The following SOX7 variants were observed in gnomAD, a reference collection of about 807,000 sequenced individuals.
SOX7 encodes the protein SRY-box transcription factor 7.
In SOX7, 19 loss-of-function variants were observed where a neutral mutation model predicts 24.9. That is an observed-to-expected ratio of 0.76 (90% CI 0.53 to 1.12). SOX7 has a LOEUF of 1.12. Ranked by LOEUF, SOX7 falls within the 50% of genes most tolerant of loss-of-function variation. SOX7 has a pLI of 0.00. For synonymous variants in SOX7, 327 were observed against 244.5 expected, an observed-to-expected ratio of 1.34 and a Z score of -3.15; for missense variants, 702 against 535.0, an observed-to-expected ratio of 1.31 and a Z score of -3.08.
intron 1 of SOX7, among the ~76,000 whole-genome samples, chr8:10,727,902 C>G (rs1050597102): frequency 9.2e-5 from 14 of 152,246 alleles, no homozygotes; most frequent in Non-Finnish European, 1.6e-4. Flanking sequence ...CAGCAGCCCT[C>G]AGTGCCTCCG....
chr8:10,725,553 G>T lies in SOX7; in HGVS notation c.*185C>A. The T allele has an allele frequency of 1.6e-6, 1 of 617,464 alleles. No individual in the cohort carries two copies. The highest frequency in any genetic ancestry group is 2.9e-5 in the Admixed American group (1 of 33,974). The allele number at this position is 617,464 out of a possible 1,614,324, so 38.2% of individuals were successfully genotyped here. A position where few individuals can be genotyped will look rare whatever the true frequency, so the allele number is the denominator to read the frequency against. On this transcript the variant is annotated 3_prime_UTR_variant, in exon 2 of 2. Transcript: ENST00000304501. Reference sequence around the variant, plus strand: ...TGGGCTGCAGGGGCTGGAACGTGGGGAAGGGGATAGAGGCGGCACTCGGAT... The same window carrying T: ...TGGGCTGCAGGGGCTGGAACGTGGGTAAGGGGATAGAGGCGGCACTCGGAT...
intron 1 of SOX7, among the ~76,000 whole-genome samples, chr8:10,727,737 G>A (rs139007748): frequency 9.8e-5 from 15 of 152,302 alleles, no homozygotes; most frequent in Non-Finnish European, 1.9e-4. Flanking sequence ...ACCTCCTAAG[G>A]TGGGCTCAGG....
chr8:10,729,945 G>C (rs975566026), intron 1 of SOX7, among the ~76,000 whole-genome samples: 1 of 152,094 alleles, frequency 6.6e-6, no homozygotes, highest in African/African-American at 2.4e-5. Context: ...CTCCGCTCCT[G>C]TCCCAGCAGA....
chr8:10,730,172 C>A lies in SOX7; in HGVS notation c.238+24G>T. ...CCGCCGCCCGCCCCCGGCCCCCAGC[C>A]CGCTCGGCCGCGCGCTCACTCACCC... On this transcript the variant is annotated intron_variant, in intron 1 of 1. Coordinates refer to ENST00000304501, the MANE Select transcript of SOX7 (RefSeq NM_031439.4). This position sits in a 1 kb window ranked among gnomAD's most constrained non-coding sequence, Gnocchi z 4.8. 1 of 1,484,844 alleles carries A rather than the reference C, an allele frequency of 6.7e-7. No individual in the cohort carries two copies. Among genetic ancestry groups the A allele is most frequent in the South Asian group, 1.4e-5 (1 of 70,832 alleles). 92.0% of individuals were successfully genotyped at this position (1,484,844 alleles called of 1,614,324 possible).
rs568315734 is a variant in SOX7 at position 10,724,300 on chromosome 8, G to C, written c.*1438C>G. The C allele has an allele frequency of 6.6e-6, 1 of 152,328 alleles. No homozygotes were observed. The highest frequency in any genetic ancestry group is 2.4e-5 in the African/African-American group (1 of 41,550). The allele number at this position is 152,328 out of a possible 1,614,324, so 9.4% of individuals were successfully genotyped here. A position where few individuals can be genotyped will look rare whatever the true frequency, so the allele number is the denominator to read the frequency against. On this transcript the variant is annotated 3_prime_UTR_variant, in exon 2 of 2. Coordinates refer to ENST00000304501, the MANE Select transcript of SOX7 (RefSeq NM_031439.4). ...GGGAAGTTGCTCTAAAGCACTGGCT[G>C]AGGACTTTGCCTGAGGACCTGGCTG...
At position 10,726,099 on chromosome 8, in the gene SOX7, G is replaced by A; in HGVS notation, c.806C>T (p.Ser269Phe). Residue 269 changes from serine to phenylalanine, a missense_variant, in exon 2 of 2, where the codon TCC becomes TTC. Coordinates refer to ENST00000304501, the MANE Select transcript of SOX7 (RefSeq NM_031439.4). The part of the protein sequence containing the change: ...SLALGQSPGV[S>F]MMSPVPGCPP... ...ACAGCCGGGTACAGGGGACATCATG[G>A]AGACGCCGGGGGACTGGCCAAGGGC... 1 of 1,564,434 alleles carries A rather than the reference G, an allele frequency of 6.4e-7. No individual in the cohort carries two copies. Among genetic ancestry groups the A allele is most frequent in the Non-Finnish European group, 8.6e-7 (1 of 1,156,618 alleles).
At position 10,725,935 on chromosome 8, in the gene SOX7, G is replaced by A; in HGVS notation, c.970C>T (p.Leu324=). Residue 324 remains leucine (L), a synonymous_variant, in exon 2 of 2, where the codon CTG becomes TTG. Coordinates refer to ENST00000304501, the MANE Select transcript of SOX7 (RefSeq NM_031439.4). ...ALDQLSQVEL[L]GDMDRNEFDQ... ...AATTCATTGCGATCCATGTCCCCCA[G>A]GAGTTCCACCTGGCTCAGTTGATCC... The A allele has an allele frequency of 6.2e-7, 1 of 1,613,890 alleles. No homozygotes were observed. Among genetic ancestry groups the A allele is most frequent in the Non-Finnish European group, 8.5e-7 (1 of 1,179,796 alleles).
rs1157755332 is a variant in SOX7 at position 10,725,504 on chromosome 8, A to C, written c.*234T>G. ...ACTCTCAGGGGCTGGAGGAAAACTC[A>C]CTTGAAGGAATATACTTAAAATGTG... On this transcript the variant is annotated 3_prime_UTR_variant, in exon 2 of 2. Coordinates refer to ENST00000304501, the MANE Select transcript of SOX7 (RefSeq NM_031439.4). 1.8e-6 allele frequency: 1 copy of C among 570,620 alleles called. No homozygotes were observed. The highest frequency in any genetic ancestry group is 2.1e-5 in the South Asian group (1 of 46,534). 35.3% of individuals were successfully genotyped at this position (570,620 alleles called of 1,614,324 possible).
At position 10,725,481 on chromosome 8, in the gene SOX7, T is replaced by C. The variant is rs534663278; in HGVS notation, c.*257A>G. Reference sequence around the variant, plus strand: ...GAACATTCCACTGGGAGACAGCAACTCTCAGGGGCTGGAGGAAAACTCACT... The same window carrying C: ...GAACATTCCACTGGGAGACAGCAACCCTCAGGGGCTGGAGGAAAACTCACT... On this transcript the variant is annotated 3_prime_UTR_variant, in exon 2 of 2. Coordinates refer to ENST00000304501, the MANE Select transcript of SOX7 (RefSeq NM_031439.4). 28 of 536,106 alleles carry C rather than the reference T, an allele frequency of 5.2e-5. No homozygotes were observed. The highest frequency in any genetic ancestry group is 3.8e-4 in the African/African-American group (20 of 52,596). 33.2% of individuals were successfully genotyped at this position (536,106 alleles called of 1,614,324 possible).
rs1039915517 is a variant in SOX7 at position 10,725,397 on chromosome 8, G to A, written c.*341C>T. ...AGAAAACTGGACCAGAAGGGACCTT[G>A]GCTATCAAGTCTGTCCCCCCATTAG... On this transcript the variant is annotated 3_prime_UTR_variant, in exon 2 of 2. Transcript: ENST00000304501. 1.2e-5 allele frequency: 4 copies of A among 321,328 alleles called. No homozygotes were observed. The highest frequency in any genetic ancestry group is 4.3e-5 in the South Asian group (1 of 23,050). The allele number at this position is 321,328 out of a possible 1,614,324, so 19.9% of individuals were successfully genotyped here. A position where few individuals can be genotyped will look rare whatever the true frequency, so the allele number is the denominator to read the frequency against.
At position 10,730,458 on chromosome 8, in the gene SOX7, C is replaced by A; in HGVS notation, c.-25G>T. On this transcript the variant is annotated 5_prime_UTR_variant, in exon 1 of 2. Coordinates refer to ENST00000304501, the MANE Select transcript of SOX7 (RefSeq NM_031439.4). This position sits in a 1 kb window ranked among gnomAD's most constrained non-coding sequence, Gnocchi z 4.8. ...TGGCCGCACGCGGGTCGCCTCGCTT[C>A]GCCTGGCGGGGCAGGCGCGGACCTG... is the stretch of plus-strand genomic sequence containing the variant. 1 of 1,424,906 alleles carries A rather than the reference C, an allele frequency of 7.0e-7. No homozygotes were observed. 88.3% of individuals were successfully genotyped at this position (1,424,906 alleles called of 1,614,324 possible).
At chr8:10,728,018 T>G (rs1034258149) in intron 1 of SOX7, among the ~76,000 whole-genome samples, 1 of 152,208 alleles carries the variant, frequency 6.6e-6, no homozygotes, top group Non-Finnish European at 1.5e-5. Context: ...AGCTTTCAAT[T>G]AACATCATTA....
rs1171928358 is a variant in SOX7 at position 10,724,394 on chromosome 8, T to C, written c.*1344A>G. 1 of 152,176 alleles carries C rather than the reference T, an allele frequency of 6.6e-6. No homozygotes were observed. Among genetic ancestry groups the C allele is most frequent in the African/African-American group, 2.4e-5 (1 of 41,412 alleles). 9.4% of individuals were successfully genotyped at this position (152,176 alleles called of 1,614,324 possible). A position where few individuals can be genotyped will look rare whatever the true frequency, so the allele number is the denominator to read the frequency against. On this transcript the variant is annotated 3_prime_UTR_variant, in exon 2 of 2. Coordinates refer to ENST00000304501, the MANE Select transcript of SOX7 (RefSeq NM_031439.4). ...GGGATAAGTCAGGGGCTGTTTCAGTTAGGGACCAGTTCAGCAGTGGAGGAA... is the reference window on the plus strand; with the variant it reads ...GGGATAAGTCAGGGGCTGTTTCAGTCAGGGACCAGTTCAGCAGTGGAGGAA...
At position 10,729,748 on chromosome 8, in the gene SOX7, C is replaced by T. The variant is rs180894717; in HGVS notation, c.238+448G>A. ...TTATAATTTCATCTGTGACAGCCTT[C>T]CTCTGAGATGGCCCAATTGTAAGGT... On this transcript the variant is annotated intron_variant, in intron 1 of 1. Coordinates refer to ENST00000304501, the MANE Select transcript of SOX7 (RefSeq NM_031439.4). The T allele has an allele frequency of 3.3e-3, 504 of 152,884 alleles. 5 individuals carry two copies. The highest frequency in any genetic ancestry group is 5.4e-3 in the Non-Finnish European group (369 of 68,436). The allele number at this position is 152,884 out of a possible 1,614,324, so 9.5% of individuals were successfully genotyped here. A position where few individuals can be genotyped will look rare whatever the true frequency, so the allele number is the denominator to read the frequency against.
chr8:10,730,119 G>T lies in SOX7; in HGVS notation c.238+77C>A. On this transcript the variant is annotated intron_variant, in intron 1 of 1. Coordinates refer to ENST00000304501, the MANE Select transcript of SOX7 (RefSeq NM_031439.4). The surrounding 1 kb of genome is among the most constrained non-coding windows in gnomAD (Gnocchi z 4.8). ...CGGGTCTTCCCCAGGCTCCGCGCTC[G>T]CACCCGCCCTGCAGTGCCGCCAGCC... is the stretch of plus-strand genomic sequence containing the variant. The T allele has an allele frequency of 8.9e-7, 1 of 1,117,468 alleles. No individual in the cohort carries two copies. The highest frequency in any genetic ancestry group is 1.2e-6 in the Non-Finnish European group (1 of 868,224). The allele number at this position is 1,117,468 out of a possible 1,614,324, so 69.2% of individuals were successfully genotyped here.
At position 10,725,655 on chromosome 8, in the gene SOX7, T is replaced by C; in HGVS notation, c.*83A>G. 6.9e-7 allele frequency: 1 copy of C among 1,458,934 alleles called. No individual in the cohort carries two copies. Among genetic ancestry groups the C allele is most frequent in the Non-Finnish European group, 9.5e-7 (1 of 1,056,616 alleles). 90.4% of individuals were successfully genotyped at this position (1,458,934 alleles called of 1,614,324 possible). On this transcript the variant is annotated 3_prime_UTR_variant, in exon 2 of 2. Coordinates refer to ENST00000304501, the MANE Select transcript of SOX7 (RefSeq NM_031439.4). ...CTGCCCTGAGCGGTGGGAGGAAAGC[T>C]GGTGTGGCTGGACGGCTCCTCTGCC...
At position 10,725,965 on chromosome 8, in the gene SOX7, C is replaced by A. The variant is rs1157383089; in HGVS notation, c.940G>T (p.Ala314Ser). The change falls in exon 2 of 2, where the codon GCC (alanine) becomes TCC (serine). Residue 314 changes from alanine to serine, a missense_variant. Coordinates refer to ENST00000304501, the MANE Select transcript of SOX7 (RefSeq NM_031439.4). ...TCCACCTGGCTCAGTTGATCCAGGG[C>A]GTCGAAGCCAGGGTGCTCAGGAGGC... ...SPPPEHPGFD[A>S]LDQLSQVELL... 2 of 1,609,954 alleles carry A rather than the reference C, an allele frequency of 1.2e-6. No homozygotes were observed. The highest frequency in any genetic ancestry group is 8.5e-7 in the Non-Finnish European group (1 of 1,177,230).
In SOX7 at chr8:10,725,698, G is replaced by A; in HGVS notation, c.*40C>T. ...CCTCTGCCACTCAAGGCACAAGAAG[G>A]AGAGGGCGCGAGGGCTGACCGGACG... On this transcript the variant is annotated 3_prime_UTR_variant, in exon 2 of 2. Coordinates refer to ENST00000304501, the MANE Select transcript of SOX7 (RefSeq NM_031439.4). The A allele has an allele frequency of 2.5e-6, 4 of 1,608,512 alleles. No homozygotes were observed. The highest frequency in any genetic ancestry group is 3.4e-6 in the Non-Finnish European group (4 of 1,176,010).
rs1460537602 is a variant in SOX7, at chr8:10,726,409, A to G, written c.496T>C (p.Ser166Pro). 1 of 1,611,812 alleles carries G rather than the reference A, an allele frequency of 6.2e-7. No homozygotes were observed. The highest frequency in any genetic ancestry group is 8.5e-7 in the Non-Finnish European group (1 of 1,179,270). The stretch of plus-strand genomic sequence containing the variant: ...AGGCTGGGCAGGGCAGTGCCGGGGG[A>G]GTACTCACCCCTGTCCTCCTTCTCC... ...LGEKEDRGEY[S>P]PGTALPSLRG... The change falls in exon 2 of 2, where the codon TCC becomes CCC. Residue 166 changes from serine to proline, a missense_variant. Ser to Pro is a moderately conservative substitution (Grantham distance 74). Coordinates refer to ENST00000304501, the MANE Select transcript of SOX7 (RefSeq NM_031439.4).
Sources: allele counts gnomAD v4.1 joint callset (sites outside exome capture counted in the v4.1 genomes callset), GRCh38; gene constraint gnomAD v4.1.1; non-coding constraint Gnocchi (gnomAD v3.1); transcripts MANE v1.5; gene names NCBI Gene and HGNC (gene_info 2026-07-23, HGNC 2026-07-21).